FIG4: variants seen among roughly 807,000 people sequenced by gnomAD.
FIG4 encodes FIG4 phosphoinositide 5-phosphatase, also known as polyphosphoinositide phosphatase.
A neutral mutation model predicts 118.6 loss-of-function variants in FIG4; 112 were observed. The observed-to-expected ratio is 0.94, with a 90% CI of 0.81 to 1.11. The LOEUF is 1.11. Ranked by LOEUF, FIG4 falls within the 50% of genes least tolerant of loss-of-function variation. FIG4 has a pLI of 0.00. For missense variants in FIG4, 969 were observed against 1,111.7 expected (o/e 0.87, Z 1.83); for synonymous variants, 369 against 381.2 (o/e 0.97, Z 0.37).
intron 4 of FIG4, among the ~76,000 whole-genome samples, chr6:109,731,188 A>G (rs561104570): frequency 3.3e-4 from 50 of 152,344 alleles, no homozygotes; most frequent in African/African-American, 1.1e-3. Context: ...TCATCAAATT[A>G]TAGCAGAGAT....
chr6:109,711,812 C>T lies in FIG4; in HGVS notation c.67-3266C>T, dbSNP rs550460574. On this transcript the variant is annotated intron_variant, in intron 1 of 22. Transcript: ENST00000230124. ...TGTGAACCTATCATCAGGATGTTAG[C>T]GGTCATTTTGCACACTTGTTTATGT... is the stretch of plus-strand genomic sequence containing the variant. Among the ~76,000 whole-genome samples, 14 of 152,212 alleles carry T rather than the reference C, an allele frequency of 9.2e-5. 1 individual carries two copies. Among genetic ancestry groups the T allele is most frequent in the African/African-American group, 2.6e-4 (11 of 41,526 alleles).
intron 22 of FIG4, among the ~76,000 whole-genome samples, chr6:109,811,584 G>A (rs1778721210): frequency 6.6e-6 from 1 of 152,150 alleles, no homozygotes; most frequent in Admixed American, 6.5e-5. Context: ...CTAGTCACTG[G>A]GGACATAGTA....
chr6:109,730,916 A>G (rs1354812138), intron 4 of FIG4, among the ~76,000 whole-genome samples: 2 of 152,154 alleles, frequency 1.3e-5, no homozygotes, highest in Non-Finnish European at 2.9e-5. Flanking sequence ...AAATGTATTT[A>G]TAATCTAGAC....
intron 22 of FIG4, among the ~76,000 whole-genome samples, chr6:109,812,904 T>C (rs766571926): frequency 4.6e-5 from 7 of 152,114 alleles, no homozygotes; most frequent in African/African-American, 9.7e-5. Context: ...CTGGACAGGG[T>C]GAATAACTGC....
intron 15 of FIG4, among the ~76,000 whole-genome samples, chr6:109,767,525 T>C (rs192445819): frequency 6.6e-6 from 1 of 152,312 alleles, no homozygotes; most frequent in East Asian, 1.9e-4. Context: ...TCTTCAGCTC[T>C]TGTACCAGAT....
intron 3 of FIG4, among the ~76,000 whole-genome samples, chr6:109,722,531 CA>C (rs946997010): frequency 4.6e-4 from 70 of 152,160 alleles, no homozygotes; most frequent in Middle Eastern, 3.4e-3. Context: ...GAGAGACACA[CA>C]CACACATACA....
At chr6:109,702,186 C>G (rs1157846755) in intron 1 of FIG4, among the ~76,000 whole-genome samples, 1 of 152,182 alleles carries the variant, frequency 6.6e-6, no homozygotes, top group Non-Finnish European at 1.5e-5. Flanking sequence ...TTCAAGAAGG[C>G]TGATTTTCCT....
intron 22 of FIG4, among the ~76,000 whole-genome samples, chr6:109,800,254 T>A (rs1474723681): frequency 6.6e-6 from 1 of 152,186 alleles, no homozygotes; most frequent in Non-Finnish European, 1.5e-5. Context: ...GCTTTATTAT[T>A]AGCATTAACA....
chr6:109,824,715 C>T (rs1282189665), intron 22 of FIG4, among the ~76,000 whole-genome samples: 4 of 152,202 alleles, frequency 2.6e-5, no homozygotes, highest in Non-Finnish European at 5.9e-5. Flanking sequence ...CCTTAAAAAC[C>T]AGTGAGTCCC....
Position 109,715,072 on chromosome 6 carries a change from T to C in FIG4, c.67-6T>C. On this transcript the variant is annotated splice_polypyrimidine_tract_variant and splice_region_variant and intron_variant, in intron 1 of 22. Coordinates refer to ENST00000230124, the MANE Select transcript of FIG4 (RefSeq NM_014845.6). The stretch of plus-strand genomic sequence containing the variant: ...ATAAACTAATGACATTCCTTTTTAT[T>C]TATAGAGATACTTTCTAGTTGGGAG... 6.6e-7 allele frequency: 1 copy of C among 1,512,932 alleles called. No homozygotes were observed. Among genetic ancestry groups the C allele is most frequent in the Non-Finnish European group, 9.2e-7 (1 of 1,088,448 alleles). 93.7% of individuals were successfully genotyped at this position (1,512,932 alleles called of 1,614,324 possible).
At chr6:109,708,761 A>G (rs1257959281) in intron 1 of FIG4, among the ~76,000 whole-genome samples, 4 of 151,978 alleles carry the variant, frequency 2.6e-5, no homozygotes, top group Admixed American at 2.0e-4. Context: ...GGCTGCATGT[A>G]TGTCTTCTTT....
chr6:109,774,111 C>T (rs1231454790), intron 15 of FIG4, among the ~76,000 whole-genome samples: 1 of 152,178 alleles, frequency 6.6e-6, no homozygotes, highest in Admixed American at 6.5e-5. Flanking sequence ...CATGCCTGGC[C>T]ATTTTTTTCA....
chr6:109,717,279 C>T (rs563246759), intron 3 of FIG4, among the ~76,000 whole-genome samples: 27 of 152,276 alleles, frequency 1.8e-4, no homozygotes, highest in African/African-American at 6.0e-4. Flanking sequence ...ATAGTCCAAA[C>T]GTGATATTGA....
At chr6:109,800,057 T>C (rs1403717010) in intron 22 of FIG4, among the ~76,000 whole-genome samples, 2 of 152,146 alleles carry the variant, frequency 1.3e-5, no homozygotes, top group Non-Finnish European at 2.9e-5. Flanking sequence ...CTTATTATCA[T>C]CTCCATTTTA....
intron 1 of FIG4, among the ~76,000 whole-genome samples, chr6:109,707,291 A>ATGTGTGTGTG (rs372863956): frequency 6.9e-6 from 1 of 145,484 alleles, no homozygotes; most frequent in South Asian, 2.1e-4. Context: ...ATATATATAT[A>ATGTGTGTGTG]TGTGTGTGTG....
chr6:109,717,630 A>G lies in FIG4; in HGVS notation c.289+1062A>G, dbSNP rs142422503. On this transcript the variant is annotated intron_variant, in intron 3 of 22. Coordinates refer to ENST00000230124, the MANE Select transcript of FIG4 (RefSeq NM_014845.6). The stretch of plus-strand genomic sequence containing the variant: ...CTGGAATGGCCAGGGAAGATTTCCT[A>G]TAGTAGATGAGACTTGAGCTGTACC... Among the ~76,000 whole-genome samples, 405 of 152,328 alleles carry G rather than the reference A, an allele frequency of 2.7e-3. 1 individual carries two copies. The highest frequency in any genetic ancestry group is 4.4e-3 in the South Asian group (21 of 4,826).
chr6:109,755,675 C>T (rs1776867243), intron 10 of FIG4, among the ~76,000 whole-genome samples: 1 of 152,144 alleles, frequency 6.6e-6, no homozygotes. Flanking sequence ...TGAATTGATC[C>T]CTTACCATTA....
chr6:109,725,938 A>T (rs1775793604), intron 3 of FIG4, among the ~76,000 whole-genome samples: 2 of 151,606 alleles, frequency 1.3e-5, no homozygotes, highest in East Asian at 3.9e-4. Context: ...CCACTTTTTG[A>T]TGGGGTTGTT....
chr6:109,779,023 T>A lies in FIG4; in HGVS notation c.1889+1963T>A, dbSNP rs185785939. The stretch of plus-strand genomic sequence containing the variant: ...CATATTATTGGAATAACCAACTTAA[T>A]ACTTGAGCTTACTGTCCCTATAAAT... On this transcript the variant is annotated intron_variant, in intron 16 of 22. Coordinates refer to ENST00000230124, the MANE Select transcript of FIG4 (RefSeq NM_014845.6). 3.2e-3 allele frequency among the ~76,000 whole-genome samples: 482 copies of A among 152,330 alleles called. 3 individuals are homozygous for A. Among genetic ancestry groups the A allele is most frequent in the African/African-American group, 0.011 (457 of 41,588 alleles).
Sources: gnomAD v4.1 joint callset for allele counts (sites outside exome capture counted in the v4.1 genomes callset) on GRCh38, gnomAD v4.1.1 for gene constraint, MANE v1.5 for transcripts, NCBI Gene and HGNC (gene_info 2026-07-23, HGNC 2026-07-21) for gene names.